The following SNRNP40 variants were observed in gnomAD, a reference collection of about 807,000 sequenced individuals.
SNRNP40 encodes the protein U5 small nuclear ribonucleoprotein 40 kDa protein.
Under a neutral mutation model 45.8 loss-of-function variants are expected in SNRNP40, and 21 were observed. The ratio of observed to expected loss-of-function variants is 0.46; its 90% confidence interval spans 0.32 to 0.66. The LOEUF is 0.66. Ranked by LOEUF, SNRNP40 falls within the 30% of genes least tolerant of loss-of-function variation. The pLI is 0.03. For missense variants in SNRNP40, 344 were observed against 439.1 expected (o/e 0.78, Z 1.94); for synonymous variants, 142 against 163.8 (o/e 0.87, Z 1.01).
At chr1:31,291,867 A>G (rs759687851) in intron 3 of SNRNP40, 46 bp downstream of exon 3, 1 of 1,233,684 alleles carries the variant, frequency 8.1e-7, no homozygotes, top group Non-Finnish European at 1.1e-6. Flanking sequence ...AAAGGACGCC[A>G]AGAATTAGTA....
At chr1:31,289,220 C>T in intron 4 of SNRNP40, 34 bp downstream of exon 4, 1 of 1,606,392 alleles carries the variant, frequency 6.2e-7, no homozygotes, top group South Asian at 1.1e-5. Context: ...ATCACATCAC[C>T]TCAGAAACTG....
chr1:31,282,087 TA>T (rs746644858), intron 4 of SNRNP40: 1 of 152,340 alleles, frequency 6.6e-6, no homozygotes, highest in Non-Finnish European at 1.5e-5. Context: ...AAGGGCTTTG[TA>T]GTGTTTTAAC....
At chr1:31,291,297 A>T (rs954979933) in intron 3 of SNRNP40, among the ~76,000 whole-genome samples, 1 of 152,042 alleles carries the variant, frequency 6.6e-6, no homozygotes, top group African/African-American at 2.4e-5. Flanking sequence ...TCAAAAAAAA[A>T]AAATTAACAC....
chr1:31,293,299 C>T lies in SNRNP40; in HGVS notation c.191G>A (p.Gly64Glu). The T allele has an allele frequency of 6.2e-7, 1 of 1,613,824 alleles. No homozygotes were observed. Residue 64 changes from glycine (G) to glutamate (E), a missense_variant, in exon 2 of 10, where the codon GGA becomes GAA. Gly to Glu is a moderately conservative substitution (Grantham distance 98). Coordinates refer to ENST00000263694, the MANE Select transcript of SNRNP40 (RefSeq NM_004814.3). ...SLQAPIMLLS[G>E]HEGEVYCCKF... ...GCAGCAGTAGACTTCCCCTTCATGT[C>T]CAGAGAGCAGCATGATTGGGGCTTG...
intron 5 of SNRNP40, among the ~76,000 whole-genome samples, chr1:31,280,767 GTT>G (rs373402074): frequency 2.1e-5 from 3 of 143,416 alleles, no homozygotes; most frequent in Admixed American, 1.4e-4. Context: ...AGATGCTACT[GTT>G]TTTTTTTTTT....
At chr1:31,264,893 G>A (rs145815204) in intron 8 of SNRNP40, among the ~76,000 whole-genome samples, 1 of 152,106 alleles carries the variant, frequency 6.6e-6, no homozygotes, top group East Asian at 1.9e-4. Flanking sequence ...GATCTCCAAG[G>A]GTTTACACTT....
At chr1:31,262,147 C>T (rs750901623) in intron 8 of SNRNP40, among the ~76,000 whole-genome samples, 2 of 152,154 alleles carry the variant, frequency 1.3e-5, no homozygotes, top group Non-Finnish European at 2.9e-5. Flanking sequence ...TAACCTAATA[C>T]TCACTTGAGC....
intron 5 of SNRNP40, among the ~76,000 whole-genome samples, chr1:31,280,762 C>T (rs1238510538): frequency 2.7e-5 from 4 of 145,858 alleles, no homozygotes; most frequent in Non-Finnish European, 4.5e-5. Flanking sequence ...GTGGTAGATG[C>T]TACTGTTTTT....
chr1:31,278,902 A>T (rs1170698917), intron 5 of SNRNP40, among the ~76,000 whole-genome samples: 1 of 152,192 alleles, frequency 6.6e-6, no homozygotes, highest in African/African-American at 2.4e-5. Flanking sequence ...GACTCCACAG[A>T]CAGAGTAGCT....
Position 31,290,571 on chromosome 1 carries a change from C to G in SNRNP40, c.366-1152G>C, listed in dbSNP as rs542961895. 9.2e-5 allele frequency among the ~76,000 whole-genome samples: 14 copies of G among 152,200 alleles called. No individual in the cohort carries two copies. In the East Asian group the frequency reaches 1.5e-3, roughly 17 times the overall value. Reference sequence around the variant, plus strand: ...GAGCAATGTTAAGAGAAAAAAGGAGCAAATAAGATTGTACACACAGTTCTG... The same window carrying G: ...GAGCAATGTTAAGAGAAAAAAGGAGGAAATAAGATTGTACACACAGTTCTG... On this transcript the variant is annotated intron_variant, in intron 3 of 9. Transcript: ENST00000263694.
At chr1:31,271,162 C>G (rs983342049) in intron 6 of SNRNP40, 11 of 461,204 alleles carry the variant, frequency 2.4e-5, no homozygotes, top group African/African-American at 2.0e-4. Flanking sequence ...AAAGTCCAAT[C>G]TTCTTATCAA....
At chr1:31,266,439 C>T (rs1420284416) in intron 8 of SNRNP40, among the ~76,000 whole-genome samples, 2 of 152,060 alleles carry the variant, frequency 1.3e-5, no homozygotes, top group Non-Finnish European at 2.9e-5. Flanking sequence ...TGTTCTTTAC[C>T]AGGCCTCATT....
intron 5 of SNRNP40, among the ~76,000 whole-genome samples, chr1:31,274,484 G>A (rs533966777): frequency 1.3e-4 from 20 of 151,838 alleles, no homozygotes; most frequent in Middle Eastern, 3.4e-3. Context: ...CTTGTGATCC[G>A]CCCACCTCAG....
intron 1 of SNRNP40, 23 bp from the exon 2 acceptor site, chr1:31,293,371 G>A (rs992347647): frequency 6.3e-7 from 1 of 1,593,032 alleles, no homozygotes; most frequent in African/African-American, 1.4e-5. Flanking sequence ...GAAGCACAAG[G>A]TAACTACTGC....
chr1:31,270,024 T>G (rs1007502329), intron 6 of SNRNP40, among the ~76,000 whole-genome samples: 1 of 152,164 alleles, frequency 6.6e-6, no homozygotes, highest in Admixed American at 6.5e-5. Flanking sequence ...TGCCTCAGCC[T>G]CCCAAGTAGC....
rs370702201 is a variant in SNRNP40 at position 31,293,328 on chromosome 1, G to A, written c.162C>T (p.Ser54=). The stretch of plus-strand genomic sequence containing the variant: ...AGAGCAGCATGATTGGGGCTTGAAG[G>A]GAGGAACATCTTGGAGGTCCCTAAA... ...LLQAGPPRCS[S]LQAPIMLLSG... is the part of the protein sequence containing the mutation. The change falls in exon 2 of 10, where the codon TCC becomes TCT. Residue 54 remains serine (S), a synonymous_variant. Transcript: ENST00000263694. 6.2e-7 allele frequency: 1 copy of A among 1,610,956 alleles called. No individual in the cohort carries two copies. The highest frequency in any genetic ancestry group is 1.3e-5 in the African/African-American group (1 of 74,676).
intron 7 of SNRNP40, among the ~76,000 whole-genome samples, chr1:31,268,730 G>A (rs4949373): frequency 0.55 from 84,145 of 152,024 alleles, 23,998 homozygotes; most frequent in Non-Finnish European, 0.63. Flanking sequence ...AACTTGGGCC[G>A]TGGTAGTTAC....
intron 4 of SNRNP40, among the ~76,000 whole-genome samples, chr1:31,287,444 C>CT (rs1343566318): frequency 6.6e-6 from 1 of 152,152 alleles, no homozygotes; most frequent in African/African-American, 2.4e-5. Context: ...GACATATACT[C>CT]TTTTTCTACT....
chr1:31,269,001 T>C (rs1473167393), intron 7 of SNRNP40, among the ~76,000 whole-genome samples, 157 bp downstream of exon 7: 1 of 152,246 alleles, frequency 6.6e-6, no homozygotes, highest in African/African-American at 2.4e-5. Context: ...CTATTATTTC[T>C]ATCCGTTTTA....
Sources: allele counts gnomAD v4.1 joint callset (sites outside exome capture counted in the v4.1 genomes callset), GRCh38; gene constraint gnomAD v4.1.1; transcripts MANE v1.5; gene names NCBI Gene and HGNC (gene_info 2026-07-23, HGNC 2026-07-21).